ACTR3C: variants seen among roughly 807,000 people sequenced by gnomAD.
ACTR3C encodes actin-related protein 3C.
In ACTR3C, 18 loss-of-function variants were observed where a neutral mutation model predicts 26.3. The ratio of observed to expected loss-of-function variants is 0.68; its 90% CI spans 0.47 to 1.01. ACTR3C has a LOEUF of 1.01. Among genes scored for constraint, ACTR3C ranks in the 50% least tolerant of loss-of-function variants. The pLI, the probability that ACTR3C is intolerant of heterozygous loss-of-function variation, is 0.00. For synonymous variants in ACTR3C, 55 were observed against 94.5 expected (o/e 0.58, Z 2.42); for missense variants, 184 against 250.7 (o/e 0.73, Z 1.80).
chr7:149,954,753 C>T, the ACTR3C span, among the ~76,000 whole-genome samples: 1 of 152,288 alleles, frequency 6.6e-6, no homozygotes, highest in South Asian at 2.1e-4. Context: ...CAATGTATCT[C>T]GTGGTCCTCT....
At chr7:150,059,845 G>A in the ACTR3C span, among the ~76,000 whole-genome samples, 1 of 152,112 alleles carries the variant, frequency 6.6e-6, no homozygotes, top group African/African-American at 2.4e-5. Context: ...GGGGCAGGAG[G>A]GAAGAGCTGC....
At chr7:150,133,714 A>G in the ACTR3C span, among the ~76,000 whole-genome samples, 1 of 151,736 alleles carries the variant, frequency 6.6e-6, no homozygotes, top group Non-Finnish European at 1.5e-5. Context: ...CTTCTGAGCT[A>G]GAGATTTTTT....
At chr7:150,030,043 G>A in the ACTR3C span, among the ~76,000 whole-genome samples, 1 of 132,816 alleles carries the variant, frequency 7.5e-6, no homozygotes, top group Non-Finnish European at 1.6e-5. Context: ...CATTTTCTCA[G>A]ATAACAATAA....
intron 6 of ACTR3C, 136 bp from the exon 7 acceptor site, chr7:150,249,190 T>C: frequency 2.3e-6 from 1 of 425,710 alleles, no homozygotes; most frequent in African/African-American, 2.0e-5. Flanking sequence ...GAAATGTTGC[T>C]TAAAGGAGAA....
At chr7:150,191,578 A>C in the ACTR3C span, among the ~76,000 whole-genome samples, 1 of 152,214 alleles carries the variant, frequency 6.6e-6, no homozygotes, top group Non-Finnish European at 1.5e-5. Flanking sequence ...TGACCTTGCT[A>C]AACTCACTAA....
Position 150,272,809 on chromosome 7 carries a change from G to C in ACTR3C, c.564+11944C>G, listed in dbSNP as rs1281007309. On this transcript the variant is annotated intron_variant, in intron 6 of 7. Transcript: ENST00000683684. The stretch of plus-strand genomic sequence containing the variant: ...AGGCTCAAGCAATCCTGCTGCCTCA[G>C]TCTCCCAAGTAGCTGAGACTACAGG... Among the ~76,000 whole-genome samples the C allele has an allele frequency of 3.0e-5, 4 of 134,914 alleles. 1 individual carries two copies. The highest frequency in any genetic ancestry group is 1.3e-4 in the African/African-American group (4 of 30,526). The allele number at this position is 134,914 out of a possible 152,430, so 88.5% of individuals were successfully genotyped here.
the ACTR3C span, among the ~76,000 whole-genome samples, chr7:149,960,550 G>T: frequency 3.9e-5 from 6 of 152,254 alleles, no homozygotes; most frequent in East Asian, 1.2e-3. Flanking sequence ...GAACACCAGG[G>T]AAGGCTGACC....
chr7:150,012,315 A>ATTT, the ACTR3C span, among the ~76,000 whole-genome samples: 1 of 91,996 alleles, frequency 1.1e-5, no homozygotes, highest in African/African-American at 4.2e-5. Context: ...TTATAAATGC[A>ATTT]TCTTTTTTTT....
At chr7:150,267,871 G>A (rs1285994405) in intron 6 of ACTR3C, among the ~76,000 whole-genome samples, 2 of 152,186 alleles carry the variant, frequency 1.3e-5, no homozygotes, top group Non-Finnish European at 2.9e-5. Context: ...TTCTGCCAGC[G>A]ATGGTTCCCT....
the ACTR3C span, among the ~76,000 whole-genome samples, chr7:150,150,128 G>A: frequency 6.6e-6 from 1 of 151,948 alleles, no homozygotes; most frequent in African/African-American, 2.4e-5. Flanking sequence ...TTGAGGTTTT[G>A]CTCCAATCTC....
chr7:150,260,546 G>A (rs1234384335), intron 6 of ACTR3C, among the ~76,000 whole-genome samples: 1 of 152,192 alleles, frequency 6.6e-6, no homozygotes, highest in Admixed American at 6.5e-5. Context: ...TTGTTTGCAA[G>A]TTTCAATTAA....
At chr7:150,198,070 C>A in the ACTR3C span, among the ~76,000 whole-genome samples, 3 of 151,598 alleles carry the variant, frequency 2.0e-5, no homozygotes, top group East Asian at 5.8e-4. Context: ...GGTCTCCAGC[C>A]CCTAACCGCG....
chr7:150,180,552 G>A, the ACTR3C span, among the ~76,000 whole-genome samples: 5 of 136,152 alleles, frequency 3.7e-5, no homozygotes, highest in Non-Finnish European at 1.5e-5. Flanking sequence ...TCGCTCTGTC[G>A]CCCAGGCTGG....
At chr7:150,085,330 G>A in the ACTR3C span, among the ~76,000 whole-genome samples, 3 of 152,200 alleles carry the variant, frequency 2.0e-5, no homozygotes, top group Non-Finnish European at 2.9e-5. Context: ...AGGGCAGGCA[G>A]ATAAGACTTC....
At chr7:150,123,582 A>AACACAC in the ACTR3C span, among the ~76,000 whole-genome samples, 45 of 119,204 alleles carry the variant, frequency 3.8e-4, 1 homozygote, top group Admixed American at 2.4e-3. Flanking sequence ...AGCAAAGGTC[A>AACACAC]ACACACACAC....
intron 3 of ACTR3C, among the ~76,000 whole-genome samples, chr7:150,291,895 A>G (rs1584944620): frequency 6.6e-6 from 1 of 151,546 alleles, no homozygotes; most frequent in East Asian, 1.9e-4. Flanking sequence ...AGGGCAGGGC[A>G]GCCACCTCTC....
At chr7:150,185,587 C>T in the ACTR3C span, among the ~76,000 whole-genome samples, 171 of 152,112 alleles carry the variant, frequency 1.1e-3, no homozygotes, top group African/African-American at 4.0e-3. Context: ...CAATCTTTCA[C>T]GGTACCCTCA....
chr7:150,227,701 G>GTTTTTTTTTTTTTTTTTTTTTT, the ACTR3C span, among the ~76,000 whole-genome samples: 2 of 94,244 alleles, frequency 2.1e-5, no homozygotes, highest in African/African-American at 7.9e-5. Flanking sequence ...TTTTTTTTTT[G>GTTTTTTTTTTTTTTTTTTTTTT]TTTTTTTTTT....
chr7:149,955,405 C>G, the ACTR3C span, among the ~76,000 whole-genome samples: 1 of 152,210 alleles, frequency 6.6e-6, no homozygotes, highest in Non-Finnish European at 1.5e-5. Flanking sequence ...TGAGCAGCTA[C>G]TACATGCCAA....
Sources: gnomAD v4.1 joint callset for allele counts (sites outside exome capture counted in the v4.1 genomes callset) on GRCh38, gnomAD v4.1.1 for gene constraint, MANE v1.5 for transcripts, NCBI Gene and HGNC (gene_info 2026-07-23, HGNC 2026-07-21) for gene names.